Variants in NAALADL2 observed in about 807,000 individuals in gnomAD.
NAALADL2 encodes inactive N-acetylated-alpha-linked acidic dipeptidase-like protein 2.
NAALADL2 carries 76 observed loss-of-function variants against 87.2 expected under a neutral mutation model. That is an observed-to-expected ratio of 0.87 (90% CI 0.72 to 1.05). The LOEUF (loss-of-function observed/expected upper bound fraction) is 1.05. Among genes scored for constraint, NAALADL2 ranks in the 50% least tolerant of loss-of-function variants. The probability of loss-of-function intolerance (pLI) is 0.00; values close to 1 mark genes in which losing one functional copy is unlikely to be tolerated. For missense variants in NAALADL2, 1,089 were observed against 945.8 expected, an observed-to-expected ratio of 1.15 and a Z score of -1.99; for synonymous variants, 354 against 331.0, an observed-to-expected ratio of 1.07 and a Z score of -0.75.
At chr3:175,280,131 C>T (rs1268006069) in intron 4 of NAALADL2, among the ~76,000 whole-genome samples, 1 of 151,882 alleles carries the variant, frequency 6.6e-6, no homozygotes, top group African/African-American at 2.4e-5. Flanking sequence ...GGCATCTGAT[C>T]TTCCTGGAAC....
At chr3:174,983,936 T>C (rs761776491) in intron 1 of NAALADL2, among the ~76,000 whole-genome samples, 1 of 152,146 alleles carries the variant, frequency 6.6e-6, no homozygotes, top group African/African-American at 2.4e-5. Flanking sequence ...ATAAAAAACT[T>C]GATGAATACA....
chr3:175,355,055 T>TGTGC (rs1560419236), intron 5 of NAALADL2, among the ~76,000 whole-genome samples: 12 of 145,696 alleles, frequency 8.2e-5, no homozygotes, highest in African/African-American at 3.0e-4. Context: ...TGTGTGTGTG[T>TGTGC]GTGTATACAT....
At position 175,790,298 on chromosome 3, in the gene NAALADL2, T is replaced by G. The variant is rs79304815; in HGVS notation, c.2190-12707T>G. On this transcript the variant is annotated intron_variant, in intron 13 of 13. Coordinates refer to ENST00000454872, the MANE Select transcript of NAALADL2 (RefSeq NM_207015.3). ...TGGGGCCCCAGATCCATTGTTCATC[T>G]AGTACTTCAAGTCACTACCACCAGT... is the stretch of plus-strand genomic sequence containing the variant. Among the ~76,000 whole-genome samples, 265 of 152,238 alleles carry G rather than the reference T, an allele frequency of 1.7e-3. 8 individuals carry two copies. In the East Asian group the frequency reaches 0.044, roughly 25 times the overall value.
intron 2 of NAALADL2, among the ~76,000 whole-genome samples, chr3:174,654,240 AGT>A (rs1042471977): frequency 2.6e-5 from 4 of 152,126 alleles, no homozygotes; most frequent in African/African-American, 7.2e-5. Context: ...TTAAGGTCTG[AGT>A]GTGTGCCACA....
Position 175,423,705 on chromosome 3 carries a change from G to A in NAALADL2, c.1091-23524G>A, listed in dbSNP as rs143011003. 8.0e-3 allele frequency among the ~76,000 whole-genome samples: 1,214 copies of A among 152,176 alleles called. 16 individuals carry two copies. The highest frequency in any genetic ancestry group is 0.028 in the African/African-American group (1,150 of 41,498). ...GTTGGTTCCAAGTCTTTGCTATTGT[G>A]AATAGTGCCACAATAAATATGCATG... On this transcript the variant is annotated intron_variant, in intron 5 of 13. Transcript: ENST00000454872.
At chr3:175,290,578 G>A (rs61087579) in intron 4 of NAALADL2, among the ~76,000 whole-genome samples, 57,206 of 151,570 alleles carry the variant, frequency 0.38, 11,646 homozygotes, top group African/African-American at 0.54. Context: ...TTTATGCCTT[G>A]AAACTAGTGG....
intron 1 of NAALADL2, among the ~76,000 whole-genome samples, chr3:174,947,393 A>G (rs1739604013): frequency 6.6e-6 from 1 of 152,144 alleles, no homozygotes; most frequent in Non-Finnish European, 1.5e-5. Flanking sequence ...TTATGGTTTC[A>G]CTTTGATCAA....
intron 8 of NAALADL2, 121 bp downstream of exon 8, chr3:175,467,305 T>C (rs1724224996): frequency 1.4e-6 from 1 of 730,914 alleles, no homozygotes; most frequent in South Asian, 1.9e-5. Context: ...TCATATTGCC[T>C]AATTTGCTGA....
At chr3:174,514,403 A>G (rs1187458842) in intron 1 of NAALADL2, among the ~76,000 whole-genome samples, 2 of 152,200 alleles carry the variant, frequency 1.3e-5, no homozygotes, top group East Asian at 3.8e-4. Context: ...AAAAATATCT[A>G]TAATAGAAAA....
intron 3 of NAALADL2, among the ~76,000 whole-genome samples, chr3:175,236,312 G>C (rs537326906): frequency 2.0e-5 from 3 of 152,016 alleles, no homozygotes; most frequent in African/African-American, 7.2e-5. Flanking sequence ...ATTGGAGGCC[G>C]AGGCGGGTGG....
At chr3:175,279,436 A>G (rs1206650066) in intron 4 of NAALADL2, among the ~76,000 whole-genome samples, 1 of 152,116 alleles carries the variant, frequency 6.6e-6, no homozygotes, top group Non-Finnish European at 1.5e-5. Context: ...ATTCACATGT[A>G]GAGTGCTGAT....
intron 13 of NAALADL2, among the ~76,000 whole-genome samples, chr3:175,767,261 T>C (rs1372045055): frequency 6.6e-6 from 1 of 152,074 alleles, no homozygotes; most frequent in Admixed American, 6.6e-5. Flanking sequence ...TTAGATCAAG[T>C]TGGAAGTTTA....
intron 3 of NAALADL2, among the ~76,000 whole-genome samples, chr3:174,790,353 T>A (rs1717310021): frequency 6.6e-6 from 1 of 152,148 alleles, no homozygotes; most frequent in Non-Finnish European, 1.5e-5. Flanking sequence ...GAATGATCTG[T>A]CAAATATTGC....
intron 10 of NAALADL2, among the ~76,000 whole-genome samples, chr3:175,593,518 A>C (rs1721825461): frequency 6.6e-6 from 1 of 152,188 alleles, no homozygotes; most frequent in Admixed American, 6.5e-5. Context: ...TGACTTAAAC[A>C]AGAGAAATTT....
At chr3:174,808,283 G>T (rs1719735997) in intron 3 of NAALADL2, among the ~76,000 whole-genome samples, 1 of 151,932 alleles carries the variant, frequency 6.6e-6, no homozygotes, top group Admixed American at 6.6e-5. Flanking sequence ...ATTTAAACAA[G>T]GCCTCCCTAT....
intron 5 of NAALADL2, among the ~76,000 whole-genome samples, chr3:175,438,585 T>C (rs1009966904): frequency 3.3e-5 from 5 of 152,102 alleles, no homozygotes; most frequent in African/African-American, 1.2e-4. Flanking sequence ...TTTTCAGCTC[T>C]GATTGTTTGG....
chr3:175,060,270 C>T (rs866497555), intron 1 of NAALADL2, among the ~76,000 whole-genome samples: 2 of 152,148 alleles, frequency 1.3e-5, no homozygotes, highest in Admixed American at 6.6e-5. Context: ...ATTAAAGTCC[C>T]CTTCCTATTT....
chr3:175,061,317 T>C (rs1713430276), intron 1 of NAALADL2, among the ~76,000 whole-genome samples: 1 of 152,164 alleles, frequency 6.6e-6, no homozygotes, highest in Non-Finnish European at 1.5e-5. Flanking sequence ...GGAAAGCATT[T>C]TATAAGCAGA....
At chr3:174,560,803 G>A (rs569428434) in intron 2 of NAALADL2, among the ~76,000 whole-genome samples, 1 of 151,992 alleles carries the variant, frequency 6.6e-6, no homozygotes, top group East Asian at 1.9e-4. Context: ...TTTTTATTTG[G>A]TATCTTAGTC....
Sources: gnomAD v4.1 joint callset for allele counts (sites outside exome capture counted in the v4.1 genomes callset) on GRCh38, gnomAD v4.1.1 for gene constraint, MANE v1.5 for transcripts, NCBI Gene and HGNC (gene_info 2026-07-23, HGNC 2026-07-21) for gene names.